FAM168A: variants seen among roughly 807,000 people sequenced by gnomAD.
The protein encoded by FAM168A is protein FAM168A.
Under a neutral mutation model 28.5 loss-of-function variants are expected in FAM168A, and 3 were observed. The ratio of observed to expected loss-of-function variants is 0.11; its 90% CI spans 0.05 to 0.27. FAM168A has a LOEUF of 0.27. Ranked by LOEUF, FAM168A falls within the 10% of genes least tolerant of loss-of-function variation. The pLI is 1.00. For missense variants in FAM168A, 222 were observed against 311.5 expected (o/e 0.71, Z 2.16); for synonymous variants, 122 against 124.2 (o/e 0.98, Z 0.12).
At chr11:73,437,706 CTTG>C (rs1867116873) in intron 2 of FAM168A, among the ~76,000 whole-genome samples, 1 of 152,020 alleles carries the variant, frequency 6.6e-6, no homozygotes, top group African/African-American at 2.4e-5. Context: ...AGGAGAACTG[CTTG>C]AACCCAAGAC....
chr11:73,443,167 A>G (rs1188305532), intron 2 of FAM168A, among the ~76,000 whole-genome samples: 1 of 151,620 alleles, frequency 6.6e-6, no homozygotes, highest in Non-Finnish European at 1.5e-5. Flanking sequence ...TGCTATAATT[A>G]GTTGTAGGCT....
intron 1 of FAM168A, among the ~76,000 whole-genome samples, chr11:73,537,187 A>G (rs1379329012): frequency 6.6e-6 from 1 of 152,214 alleles, no homozygotes; most frequent in Non-Finnish European, 1.5e-5. Flanking sequence ...AGCACAGAAG[A>G]GTTGAGAAAC....
intron 3 of FAM168A, among the ~76,000 whole-genome samples, chr11:73,421,749 G>GT (rs1330627783): frequency 1.3e-5 from 2 of 152,174 alleles, no homozygotes; most frequent in African/African-American, 4.8e-5. Flanking sequence ...TCTCTAAAAA[G>GT]TAAAACATGT....
chr11:73,552,787 T>C (rs1943844468), intron 1 of FAM168A, among the ~76,000 whole-genome samples: 1 of 151,980 alleles, frequency 6.6e-6, no homozygotes, highest in Non-Finnish European at 1.5e-5. Context: ...CAAAACCCCA[T>C]CTCTACCAAA....
chr11:73,490,031 T>C (rs903530471), intron 1 of FAM168A, among the ~76,000 whole-genome samples: 14 of 152,216 alleles, frequency 9.2e-5, no homozygotes, highest in Non-Finnish European at 2.1e-4. Flanking sequence ...TTTTTATATT[T>C]ACCACCTCCC....
At chr11:73,506,227 GAAAA>G (rs1855112703) in intron 1 of FAM168A, among the ~76,000 whole-genome samples, 1 of 152,126 alleles carries the variant, frequency 6.6e-6, no homozygotes, top group Admixed American at 6.6e-5. Context: ...CCTTTGAGGG[GAAAA>G]GCTCTGCTAG....
chr11:73,515,025 T>C (rs75555629), intron 1 of FAM168A, among the ~76,000 whole-genome samples: 2,774 of 152,156 alleles, frequency 0.018, 67 homozygotes, highest in African/African-American at 0.056. Flanking sequence ...TTTAAAGCAA[T>C]GGAAAGGAAA....
chr11:73,494,642 G>C (rs1332390047), intron 1 of FAM168A, among the ~76,000 whole-genome samples: 1 of 152,150 alleles, frequency 6.6e-6, no homozygotes, highest in Admixed American at 6.6e-5. Flanking sequence ...AAAAATGGAG[G>C]ATGGGCACAA....
intron 3 of FAM168A, among the ~76,000 whole-genome samples, chr11:73,422,651 A>C (rs1866813060): frequency 6.6e-6 from 1 of 152,246 alleles, no homozygotes; most frequent in South Asian, 2.1e-4. Flanking sequence ...GAAAAGTACC[A>C]CTTCCTAGAG....
chr11:73,517,595 C>T (rs1293129226), intron 1 of FAM168A, among the ~76,000 whole-genome samples: 1 of 152,004 alleles, frequency 6.6e-6, no homozygotes, highest in Non-Finnish European at 1.5e-5. Context: ...ATTAGTTCTT[C>T]GGAAGGTACA....
chr11:73,476,013 G>A (rs1867882798), intron 1 of FAM168A, among the ~76,000 whole-genome samples: 1 of 152,142 alleles, frequency 6.6e-6, no homozygotes, highest in Non-Finnish European at 1.5e-5. Flanking sequence ...TTTAAAGGGA[G>A]GTCTGGGGAA....
chr11:73,521,748 G>A (rs907110619), intron 1 of FAM168A, among the ~76,000 whole-genome samples: 2 of 152,158 alleles, frequency 1.3e-5, no homozygotes, highest in Non-Finnish European at 1.5e-5. Flanking sequence ...CCAGGATACT[G>A]ACTCATCCTG....
intron 1 of FAM168A, among the ~76,000 whole-genome samples, chr11:73,570,379 C>T (rs1016025963): frequency 7.3e-5 from 11 of 151,476 alleles, no homozygotes; most frequent in African/African-American, 1.7e-4. Context: ...AAAGTGAGTA[C>T]AAAGATGAAA....
chr11:73,565,477 A>C (rs1204082965), intron 1 of FAM168A, among the ~76,000 whole-genome samples: 1 of 152,162 alleles, frequency 6.6e-6, no homozygotes, highest in Admixed American at 6.5e-5. Context: ...TATCTCTACC[A>C]CTTACTAATT....
intron 2 of FAM168A, among the ~76,000 whole-genome samples, chr11:73,444,335 C>A (rs1160089235): frequency 6.6e-6 from 1 of 152,208 alleles, no homozygotes. Flanking sequence ...GATGAAAAAT[C>A]TTCCAGATCC....
chr11:73,457,463 A>G (rs1292562097), intron 2 of FAM168A, among the ~76,000 whole-genome samples: 7 of 151,954 alleles, frequency 4.6e-5, no homozygotes, highest in Admixed American at 3.9e-4. Flanking sequence ...AGATGAGTAA[A>G]AGAAGAGTTA....
In FAM168A at chr11:73,546,143, C is replaced by T. The variant is rs573963029; in HGVS notation, c.-19+51780G>A. On this transcript the variant is annotated intron_variant, in intron 1 of 7. Coordinates refer to ENST00000356467, the MANE Select transcript of FAM168A (RefSeq NM_015159.3). ...ACCAAAGACTAAGATCATAAGCACACAGATTGACAACCACAGATTGAGAGA... is the reference window on the plus strand; with the variant it reads ...ACCAAAGACTAAGATCATAAGCACATAGATTGACAACCACAGATTGAGAGA... Among the ~76,000 whole-genome samples, 229 of 152,260 alleles carry T rather than the reference C, an allele frequency of 1.5e-3. 1 individual carries two copies. Among genetic ancestry groups the T allele is most frequent in the African/African-American group, 5.3e-3 (222 of 41,548 alleles).
chr11:73,596,123 C>G (rs1158408974), intron 1 of FAM168A, among the ~76,000 whole-genome samples: 1 of 152,166 alleles, frequency 6.6e-6, no homozygotes, highest in East Asian at 1.9e-4. Flanking sequence ...AAGGCCCAAG[C>G]TCTTTTTGCC....
At chr11:73,563,185 T>C (rs764104147) in intron 1 of FAM168A, among the ~76,000 whole-genome samples, 4 of 152,312 alleles carry the variant, frequency 2.6e-5, no homozygotes, top group Non-Finnish European at 5.9e-5. Flanking sequence ...ACCTCTATCA[T>C]TCACCTAAGG....
Sources: allele counts gnomAD v4.1 joint callset (sites outside exome capture counted in the v4.1 genomes callset), GRCh38; gene constraint gnomAD v4.1.1; transcripts MANE v1.5; gene names NCBI Gene and HGNC (gene_info 2026-07-23, HGNC 2026-07-21).